FAM53B: variants seen among roughly 807,000 people sequenced by gnomAD.
FAM53B encodes family with sequence similarity 53 member B.
FAM53B carries 12 observed loss-of-function variants against 32.7 expected under a neutral mutation model. That is an observed-to-expected ratio of 0.37 (90% confidence interval 0.24 to 0.59). The LOEUF is 0.59. FAM53B is among the 20% of genes least tolerant of loss of function. The pLI is 0.72. For missense variants in FAM53B, 477 were observed against 577.7 expected (o/e 0.83, Z 1.79); for synonymous variants, 234 against 228.7 (o/e 1.02, Z -0.21).
At chr10:124,694,114 G>A (rs10901806) in intron 3 of FAM53B, among the ~76,000 whole-genome samples, 123,007 of 151,848 alleles carry the variant, frequency 0.81, 52,343 homozygotes, top group Non-Finnish European at 0.93. Flanking sequence ...CCAGTACAAC[G>A]GCTCCCCGCT....
chr10:124,743,144 G>A (rs1450735234), intron 1 of FAM53B, among the ~76,000 whole-genome samples: 2 of 137,356 alleles, frequency 1.5e-5, no homozygotes, highest in Non-Finnish European at 3.1e-5. Flanking sequence ...GGGGGCTGGG[G>A]GACAAGGTGG....
At chr10:124,696,878 C>G (rs987423822) in intron 2 of FAM53B, among the ~76,000 whole-genome samples, 1 of 152,168 alleles carries the variant, frequency 6.6e-6, no homozygotes, top group African/African-American at 2.4e-5. Flanking sequence ...AATGGTTTCC[C>G]TTTCCACTGC....
Position 124,682,234 on chromosome 10 carries a change from G to C in FAM53B, c.279C>G (p.Ile93Met). 2 of 1,614,080 alleles carry C rather than the reference G, an allele frequency of 1.2e-6. No homozygotes were observed. The highest frequency in any genetic ancestry group is 2.2e-5 in the East Asian group (1 of 44,880). The change falls in exon 4 of 5, where the codon ATC becomes ATG. Residue 93 changes from isoleucine to methionine, a missense_variant. Physicochemically the swap from Ile to Met is conservative, Grantham distance 10 (BLOSUM62 1). Transcript: ENST00000337318. This position sits in a 1 kb window ranked among gnomAD's most constrained non-coding sequence, Gnocchi z 5.2. ...TGTGGTCGCTGATGCTGAGGTCTTT[G>C]ATCAGACTGGTCACAGCGCAGGCGG... ...AVTACAVTSL[I>M]KDLSISDHNG... is the part of the protein sequence containing the mutation.
chr10:124,623,528 C>G lies in FAM53B; in HGVS notation c.983G>C (p.Arg328Pro). 1 of 1,552,750 alleles carries G rather than the reference C, an allele frequency of 6.4e-7. No homozygotes were observed. Among genetic ancestry groups the G allele is most frequent in the South Asian group, 1.2e-5 (1 of 84,656 alleles). Reference sequence around the variant, plus strand: ...CCAGGCCCTGGTGTTGCTGACGTGGCGGGCGAAGGGGCTCTGGGGACCGCA... The same window carrying G: ...CCAGGCCCTGGTGTTGCTGACGTGGGGGGCGAAGGGGCTCTGGGGACCGCA... ...EDCGPQSPFARHVSNTRAWTA... is the reference protein window; with the variant it reads ...EDCGPQSPFAPHVSNTRAWTA... The change falls in exon 5 of 5, where the codon CGC (arginine) becomes CCC (proline). Residue 328 changes from arginine (R) to proline (P), a missense_variant. Transcript: ENST00000337318.
intron 4 of FAM53B, among the ~76,000 whole-genome samples, chr10:124,635,876 G>A (rs957357506): frequency 6.6e-6 from 1 of 152,152 alleles, no homozygotes; most frequent in African/African-American, 2.4e-5. Context: ...CTATTCAAGA[G>A]AACAAGATAC....
intron 3 of FAM53B, among the ~76,000 whole-genome samples, chr10:124,693,423 T>C (rs1387699588): frequency 6.9e-6 from 1 of 145,534 alleles, no homozygotes; most frequent in Non-Finnish European, 1.5e-5. Flanking sequence ...TGGGCCAAGA[T>C]CACACCACTG....
chr10:124,637,452 C>T (rs780054936), intron 4 of FAM53B, among the ~76,000 whole-genome samples: 4 of 152,164 alleles, frequency 2.6e-5, no homozygotes, highest in African/African-American at 7.2e-5. Context: ...GCCACTGCAC[C>T]GAGACTAGCT....
In FAM53B at chr10:124,734,161, C is replaced by T. The variant is rs1287941295; in HGVS notation, c.-175+9852G>A. Reference sequence around the variant, plus strand: ...CCAGTACCTTGTGTAAACACACTTTCATTCATTTATTACACTGTGTCTAGC... The same window carrying T: ...CCAGTACCTTGTGTAAACACACTTTTATTCATTTATTACACTGTGTCTAGC... On this transcript the variant is annotated intron_variant, in intron 1 of 4. Transcript: ENST00000337318. Among the ~76,000 whole-genome samples, 7 of 152,368 alleles carry T rather than the reference C, an allele frequency of 4.6e-5. No individual in the cohort carries two copies. The East Asian group carries it at 1.2e-3, about 25-fold the overall frequency.
At chr10:124,638,095 C>A (rs529928392) in intron 4 of FAM53B, among the ~76,000 whole-genome samples, 1 of 152,146 alleles carries the variant, frequency 6.6e-6, no homozygotes, top group Admixed American at 6.5e-5. Context: ...CCGGGCCTGG[C>A]GCCATGGCTC....
intron 4 of FAM53B, among the ~76,000 whole-genome samples, chr10:124,670,976 G>A (rs990482976): frequency 6.6e-6 from 1 of 152,238 alleles, no homozygotes; most frequent in African/African-American, 2.4e-5. Context: ...AGGATCTGCT[G>A]AGTGAAGAAC....
chr10:124,720,082 G>A (rs1008427211), intron 1 of FAM53B, among the ~76,000 whole-genome samples: 1 of 151,736 alleles, frequency 6.6e-6, no homozygotes, highest in Middle Eastern at 3.4e-3. Context: ...AGAATTGCTT[G>A]AACCTGGGAG....
intron 3 of FAM53B, among the ~76,000 whole-genome samples, chr10:124,692,007 G>C (rs1028652827): frequency 1.3e-5 from 2 of 152,230 alleles, no homozygotes; most frequent in Non-Finnish European, 2.9e-5. Flanking sequence ...CCTGTGTCGA[G>C]AGCACAAGAA....
intron 1 of FAM53B, among the ~76,000 whole-genome samples, chr10:124,734,886 G>A (rs567359818): frequency 6.6e-6 from 1 of 152,340 alleles, no homozygotes; most frequent in Non-Finnish European, 1.5e-5. Flanking sequence ...ACCAACAGAA[G>A]CCAAGCGGCA....
At chr10:124,725,504 T>C (rs1156723744) in intron 1 of FAM53B, among the ~76,000 whole-genome samples, 3 of 152,252 alleles carry the variant, frequency 2.0e-5, no homozygotes, top group Non-Finnish European at 4.4e-5. Flanking sequence ...GGAAGCTTCA[T>C]GAAGCATTCC....
chr10:124,638,235 TGGCGG>T (rs1949446770), intron 4 of FAM53B, among the ~76,000 whole-genome samples: 1 of 152,030 alleles, frequency 6.6e-6, no homozygotes, highest in East Asian at 1.9e-4. Flanking sequence ...CAGGGTGTGG[TGGCGG>T]GCGCCTGTAG....
chr10:124,708,380 C>A (rs1949975811), intron 1 of FAM53B, among the ~76,000 whole-genome samples: 1 of 152,210 alleles, frequency 6.6e-6, no homozygotes. Flanking sequence ...CAAGGTTCAT[C>A]CAAAGTGCAA....
chr10:124,638,697 G>A (rs1281621387), intron 4 of FAM53B, among the ~76,000 whole-genome samples: 1 of 152,236 alleles, frequency 6.6e-6, no homozygotes, highest in Non-Finnish European at 1.5e-5. Flanking sequence ...GCATGCTGGG[G>A]CGGGGGAGGC....
intron 1 of FAM53B, among the ~76,000 whole-genome samples, chr10:124,723,632 C>A (rs752844728): frequency 4.6e-5 from 7 of 152,210 alleles, no homozygotes; most frequent in Non-Finnish European, 8.8e-5. Context: ...GCTTTGTTTT[C>A]TGTGTTCTGC....
intron 4 of FAM53B, among the ~76,000 whole-genome samples, chr10:124,674,120 C>A (rs1949723305): frequency 6.6e-6 from 1 of 152,182 alleles, no homozygotes; most frequent in Non-Finnish European, 1.5e-5. Flanking sequence ...GTTACAGAGC[C>A]CGGGACTCAT....
Sources: gnomAD v4.1 joint callset for allele counts (sites outside exome capture counted in the v4.1 genomes callset) on GRCh38, gnomAD v4.1.1 for gene constraint, Gnocchi (gnomAD v3.1) non-coding constraint, MANE v1.5 for transcripts, NCBI Gene and HGNC (gene_info 2026-07-23, HGNC 2026-07-21) for gene names.